Variants in RTL4 observed in about 807,000 individuals in gnomAD.
RTL4 encodes the protein retrotransposon Gag like 4.
Under a neutral mutation model 5.3 loss-of-function variants are expected in RTL4, and 4 were observed. That is an observed-to-expected ratio of 0.75 (90% CI 0.37 to 1.72). The LOEUF (loss-of-function observed/expected upper bound fraction) is 1.72. RTL4 is among the 40% of genes most tolerant of loss of function. RTL4 has a pLI of 0.04. For missense variants in RTL4, 260 were observed against 227.1 expected (o/e 1.14, Z -0.93); for synonymous variants, 98 against 87.3 (o/e 1.12, Z -0.68).
chrX:112,446,672 A>T, the RTL4 span, among the ~76,000 whole-genome samples: 1 of 111,636 alleles, frequency 9.0e-6, no homozygotes. Context: ...ACATGGCAAA[A>T]CTCCATCTCT....
the RTL4 span, among the ~76,000 whole-genome samples, chrX:112,192,883 G>A: frequency 8.9e-6 from 1 of 111,857 alleles, no homozygotes; most frequent in Non-Finnish European, 1.9e-5. Context: ...TTACTGTCTA[G>A]TGTCTTTCAT....
chrX:112,294,002 T>C, the RTL4 span, among the ~76,000 whole-genome samples: 67 of 112,059 alleles, frequency 6.0e-4, no homozygotes, highest in Non-Finnish European at 1.0e-3. Flanking sequence ...TTTATTTAAA[T>C]AAGCTGTTCT....
At chrX:112,407,740 C>T in the RTL4 span, among the ~76,000 whole-genome samples, 1 of 112,679 alleles carries the variant, frequency 8.9e-6, no homozygotes, top group Non-Finnish European at 1.9e-5. Flanking sequence ...CCAGCACAGT[C>T]CTAGTAGTGA....
chrX:112,157,217 A>C, the RTL4 span, among the ~76,000 whole-genome samples: 1 of 110,917 alleles, frequency 9.0e-6, no homozygotes, highest in Non-Finnish European at 1.9e-5. Context: ...TATGCAGGAC[A>C]TGGGGCTGTT....
the RTL4 span, among the ~76,000 whole-genome samples, chrX:112,328,981 C>A: frequency 9.0e-6 from 1 of 111,394 alleles, no homozygotes; most frequent in Non-Finnish European, 1.9e-5. Context: ...ACACAACATA[C>A]CAGAATCTCT....
the RTL4 span, among the ~76,000 whole-genome samples, chrX:112,263,175 T>C: frequency 0.26 from 26,575 of 101,090 alleles, 4,342 homozygotes; most frequent in African/African-American, 0.56. Context: ...GCATGTTGTG[T>C]ACATGTACCC....
the RTL4 span, among the ~76,000 whole-genome samples, chrX:112,357,053 G>A: frequency 9.0e-6 from 1 of 111,394 alleles, no homozygotes; most frequent in African/African-American, 3.3e-5. Flanking sequence ...ATCAAGGCAG[G>A]GAAATATATT....
chrX:112,120,692 G>A, the RTL4 span, among the ~76,000 whole-genome samples: 8 of 108,572 alleles, frequency 7.4e-5, no homozygotes, highest in East Asian at 2.3e-3. Flanking sequence ...TTATGTTACT[G>A]AAGAACACAA....
chrX:112,407,358 T>C, the RTL4 span, among the ~76,000 whole-genome samples: 54 of 111,490 alleles, frequency 4.8e-4, no homozygotes, highest in Admixed American at 4.7e-3. Flanking sequence ...TTGGTGGTAG[T>C]CTGGTAGTAC....
At chrX:112,249,070 C>G in the RTL4 span, among the ~76,000 whole-genome samples, 1 of 111,953 alleles carries the variant, frequency 8.9e-6, no homozygotes, top group African/African-American at 3.2e-5. Context: ...TCTCAAGTGT[C>G]CAGGGAGAGA....
upstream of RTL4, among the ~76,000 whole-genome samples, chrX:112,451,151 A>G (rs1926728193): frequency 8.9e-6 from 1 of 111,956 alleles, no homozygotes; most frequent in South Asian, 3.7e-4. Flanking sequence ...ATTCTAAAAC[A>G]CAGTCAGATA....
At chrX:112,241,777 A>G in the RTL4 span, among the ~76,000 whole-genome samples, 869 of 111,778 alleles carry the variant, frequency 7.8e-3, 6 homozygotes, top group African/African-American at 0.027. Flanking sequence ...GCCCATGCCT[A>G]TGTCCTGAAT....
chrX:112,174,622 G>A, the RTL4 span, among the ~76,000 whole-genome samples: 1 of 77,303 alleles, frequency 1.3e-5, no homozygotes, highest in Non-Finnish European at 2.5e-5. Context: ...GGGTCAAATG[G>A]TATTTCTAGT....
the RTL4 span, among the ~76,000 whole-genome samples, chrX:112,411,155 T>C: frequency 9.0e-6 from 1 of 111,092 alleles, no homozygotes; most frequent in African/African-American, 3.3e-5. Context: ...AATTGAACCA[T>C]GAAGAAATCC....
At chrX:112,318,004 AT>A in the RTL4 span, among the ~76,000 whole-genome samples, 1 of 112,481 alleles carries the variant, frequency 8.9e-6, no homozygotes, top group Middle Eastern at 4.6e-3. Flanking sequence ...ACTGATGCTC[AT>A]TGCAACAACA....
chrX:112,157,163 A>G, the RTL4 span, among the ~76,000 whole-genome samples: 1 of 109,255 alleles, frequency 9.2e-6, no homozygotes, highest in South Asian at 4.0e-4. Context: ...TAATATATTG[A>G]CCTCAATTTT....
chrX:112,310,734 T>C, the RTL4 span, among the ~76,000 whole-genome samples: 3 of 77,245 alleles, frequency 3.9e-5, no homozygotes, highest in East Asian at 3.7e-4. Flanking sequence ...ATATTATATA[T>C]TTATATATTA....
the RTL4 span, among the ~76,000 whole-genome samples, chrX:112,141,754 GA>G: frequency 3.3e-4 from 36 of 110,585 alleles, no homozygotes; most frequent in African/African-American, 1.0e-3. Flanking sequence ...GAAATGTACT[GA>G]AAAAAAAGGA....
At chrX:112,454,920 T>G (rs1344752978) in exon 1 of RTL4, 1 of 1,210,395 alleles carries the variant, frequency 8.3e-7, no homozygotes, top group Non-Finnish European at 1.1e-6. Context: ...TCACCCAGTT[T>G]CATGGTGACC....
Sources: allele counts gnomAD v4.1 joint callset (sites outside exome capture counted in the v4.1 genomes callset), GRCh38; gene constraint gnomAD v4.1.1; transcripts MANE v1.5; gene names NCBI Gene and HGNC (gene_info 2026-07-23, HGNC 2026-07-21).